Variants in CCN4 observed in about 807,000 individuals in gnomAD.
The protein encoded by CCN4 is CCN family member 4.
CCN4 carries 30 observed loss-of-function variants against 36.7 expected under a neutral mutation model. The observed-to-expected ratio is 0.82, with a 90% CI of 0.61 to 1.11. The LOEUF is 1.11. Ranked by LOEUF, CCN4 falls within the 50% of genes least tolerant of loss-of-function variation. The probability of loss-of-function intolerance (pLI) is 0.00; values close to 1 mark genes in which losing one functional copy is unlikely to be tolerated. For synonymous variants in CCN4, 191 were observed against 195.4 expected, an observed-to-expected ratio of 0.98 and a Z score of 0.19; for missense variants, 505 against 504.9, an observed-to-expected ratio of 1.00 and a Z score of 0.00.
chr8:133,203,918 C>T (rs535860936), intron 1 of CCN4, among the ~76,000 whole-genome samples: 23 of 152,326 alleles, frequency 1.5e-4, no homozygotes, highest in Middle Eastern at 3.4e-3. Flanking sequence ...ATAGACTTAC[C>T]TCTTCCCAAG....
rs191631097 is a variant in CCN4 at position 133,219,616 on chromosome 8, C to G, written c.350-965C>G. On this transcript the variant is annotated intron_variant, in intron 2 of 4. Transcript: ENST00000250160. Reference sequence around the variant, plus strand: ...ACTTTGAAAAACAAAAGATATCATTCTATTTACAGCATTGTGTTTTTTTAG... The same window carrying G: ...ACTTTGAAAAACAAAAGATATCATTGTATTTACAGCATTGTGTTTTTTTAG... Among the ~76,000 whole-genome samples the G allele has an allele frequency of 1.3e-3, 199 of 152,348 alleles. 1 individual carries two copies. The highest frequency in any genetic ancestry group is 4.3e-3 in the African/African-American group (179 of 41,584).
intron 3 of CCN4, among the ~76,000 whole-genome samples, chr8:133,223,720 TC>T (rs1243267529): frequency 1.3e-5 from 2 of 152,082 alleles, no homozygotes; most frequent in Non-Finnish European, 2.9e-5. Context: ...TGTCTTTCCA[TC>T]CCTTCCCTGT....
intron 1 of CCN4, among the ~76,000 whole-genome samples, chr8:133,211,126 T>C (rs1854011386): frequency 6.6e-6 from 1 of 152,242 alleles, no homozygotes; most frequent in South Asian, 2.1e-4. Flanking sequence ...TCCTCATCCC[T>C]GGTCCTTCAA....
intron 3 of CCN4, among the ~76,000 whole-genome samples, chr8:133,222,095 T>C (rs181413655): frequency 1.3e-5 from 2 of 151,590 alleles, no homozygotes; most frequent in South Asian, 2.1e-4. Flanking sequence ...GACAAATAGG[T>C]GAATGATGGA....
At chr8:133,224,802 C>T (rs1424982183) in intron 3 of CCN4, among the ~76,000 whole-genome samples, 2 of 151,870 alleles carry the variant, frequency 1.3e-5, no homozygotes, top group African/African-American at 2.4e-5. Flanking sequence ...GGCATGGTGG[C>T]CCATGCCTGT....
intron 1 of CCN4, among the ~76,000 whole-genome samples, chr8:133,195,210 G>T (rs1307709484): frequency 6.8e-6 from 1 of 146,040 alleles, no homozygotes; most frequent in Non-Finnish European, 1.5e-5. Context: ...TGTGTGTATG[G>T]TGTGTGTATG....
At chr8:133,218,386 C>T (rs888201938) in intron 2 of CCN4, among the ~76,000 whole-genome samples, 2 of 152,268 alleles carry the variant, frequency 1.3e-5, no homozygotes, top group African/African-American at 2.4e-5. Flanking sequence ...TCACACAAAC[C>T]GGGATTCTGC....
At chr8:133,193,689 C>G (rs2130512743) in intron 1 of CCN4, among the ~76,000 whole-genome samples, 1 of 152,306 alleles carries the variant, frequency 6.6e-6, no homozygotes, top group East Asian at 1.9e-4. Context: ...GTGCAATTAT[C>G]CTCCTTAACA....
intron 3 of CCN4, among the ~76,000 whole-genome samples, chr8:133,222,946 C>T (rs778617305): frequency 6.6e-6 from 1 of 151,980 alleles, no homozygotes; most frequent in Non-Finnish European, 1.5e-5. Context: ...TAGTAGCAAT[C>T]TAATGCATGA....
chr8:133,230,370 G>A lies in CCN4; in HGVS notation c.*2660G>A, dbSNP rs1854912950. ...TCTCCACTGATTGAGTGTTTACTTGGTGCCAAGCACTATGCTAAGTTGTTC... is the reference window on the plus strand; with the variant it reads ...TCTCCACTGATTGAGTGTTTACTTGATGCCAAGCACTATGCTAAGTTGTTC... On this transcript the variant is annotated 3_prime_UTR_variant, in exon 5 of 5. Coordinates refer to ENST00000250160, the MANE Select transcript of CCN4 (RefSeq NM_003882.4). 1.3e-5 allele frequency: 2 copies of A among 152,206 alleles called. No homozygotes were observed. Among genetic ancestry groups the A allele is most frequent in the Non-Finnish European group, 2.9e-5 (2 of 68,034 alleles). The allele number at this position is 152,206 out of a possible 1,614,324, so 9.4% of individuals were successfully genotyped here.
At chr8:133,216,675 T>A (rs1854332088) in intron 2 of CCN4, among the ~76,000 whole-genome samples, 1 of 152,198 alleles carries the variant, frequency 6.6e-6, no homozygotes, top group African/African-American at 2.4e-5. Flanking sequence ...TGAAGCTGGG[T>A]CAGGCCTGAG....
Position 133,227,593 on chromosome 8 carries a change from C to A in CCN4, c.987C>A (p.Gly329=). 6 of 1,614,246 alleles carry A rather than the reference C, an allele frequency of 3.7e-6. No individual in the cohort carries two copies. Among genetic ancestry groups the A allele is most frequent in the Non-Finnish European group, 5.1e-6 (6 of 1,180,050 alleles). ...CCTTCCAGTGTCCTGATGGGCTTGG[C>A]TTCTCCCGCCAGGTCCTATGGATTA... The part of the protein sequence containing the change: ...DVSFQCPDGL[G]FSRQVLWINA... Residue 329 remains glycine (G), a synonymous_variant, in exon 5 of 5, where the codon GGC becomes GGA. Transcript: ENST00000250160.
chr8:133,203,163 G>A (rs955018406), intron 1 of CCN4, among the ~76,000 whole-genome samples: 1 of 152,198 alleles, frequency 6.6e-6, no homozygotes, highest in Admixed American at 6.5e-5. Context: ...ACTTGCCCAG[G>A]GTGTGCCAGG....
intron 1 of CCN4, among the ~76,000 whole-genome samples, chr8:133,194,620 TGTGTGTGGG>T (rs1331212520): frequency 5.9e-5 from 5 of 84,344 alleles, no homozygotes; most frequent in South Asian, 4.5e-4. Flanking sequence ...GTTTGTGTAG[TGTGTGTGGG>T]GTGTGTGGGG....
At chr8:133,219,367 G>A (rs1036255229) in intron 2 of CCN4, among the ~76,000 whole-genome samples, 1 of 152,010 alleles carries the variant, frequency 6.6e-6, no homozygotes, top group Admixed American at 6.6e-5. Context: ...TACCTGGAAA[G>A]CTCCTCCCCC....
intron 1 of CCN4, among the ~76,000 whole-genome samples, chr8:133,192,895 C>T (rs558223213): frequency 1.2e-4 from 19 of 152,306 alleles, no homozygotes; most frequent in African/African-American, 4.8e-5. Context: ...AGGAGCAGAG[C>T]GTGTGGAGGG....
chr8:133,209,649 A>G (rs1050802705), intron 1 of CCN4, among the ~76,000 whole-genome samples: 1 of 152,244 alleles, frequency 6.6e-6, no homozygotes, highest in Non-Finnish European at 1.5e-5. Context: ...GAGGATGGAT[A>G]GTGATCCCAG....
rs997942071 is a variant in CCN4, at chr8:133,228,991, T to C, written c.*1281T>C. On this transcript the variant is annotated 3_prime_UTR_variant, in exon 5 of 5. Transcript: ENST00000250160. Reference sequence around the variant, plus strand: ...GTTGTTAATGAATATCAGGCTATTATTTATTGTATTAGGAAAATATAATAT... The same window carrying C: ...GTTGTTAATGAATATCAGGCTATTACTTATTGTATTAGGAAAATATAATAT... 5 of 152,374 alleles carry C rather than the reference T, an allele frequency of 3.3e-5. No individual in the cohort carries two copies. Among genetic ancestry groups the C allele is most frequent in the African/African-American group, 1.2e-4 (5 of 41,588 alleles). The allele number at this position is 152,374 out of a possible 1,614,324, so 9.4% of individuals were successfully genotyped here. A position where few individuals can be genotyped will look rare whatever the true frequency, so the allele number is the denominator to read the frequency against.
chr8:133,207,482 C>T (rs947157099), intron 1 of CCN4, among the ~76,000 whole-genome samples: 14 of 152,332 alleles, frequency 9.2e-5, no homozygotes, highest in Admixed American at 2.0e-4. Context: ...CACATGTGCA[C>T]GGTGTTCCCT....
Sources: gnomAD v4.1 joint callset for allele counts (sites outside exome capture counted in the v4.1 genomes callset) on GRCh38, gnomAD v4.1.1 for gene constraint, MANE v1.5 for transcripts, NCBI Gene and HGNC (gene_info 2026-07-23, HGNC 2026-07-21) for gene names.